PEAK1: variants seen among roughly 807,000 people sequenced by gnomAD.
PEAK1 encodes inactive tyrosine-protein kinase PEAK1.
A neutral mutation model predicts 124.7 loss-of-function variants in PEAK1; 54 were observed. That is an observed-to-expected ratio of 0.43 (90% CI 0.35 to 0.54). The LOEUF (loss-of-function observed/expected upper bound fraction) is 0.54, where lower values mean the gene tolerates loss of function less well. Ranked by LOEUF, PEAK1 falls within the 20% of genes least tolerant of loss-of-function variation. The pLI, the probability that PEAK1 is intolerant of heterozygous loss-of-function variation, is 0.01. For synonymous variants in PEAK1, 719 were observed against 760.0 expected (o/e 0.95, Z 0.89); for missense variants, 2,046 against 2,134.5 (o/e 0.96, Z 0.82).
chr15:77,360,384 T>C (rs997775193), intron 2 of PEAK1, among the ~76,000 whole-genome samples: 6 of 152,156 alleles, frequency 3.9e-5, no homozygotes, highest in Admixed American at 1.3e-4. Context: ...AGTAAATAAA[T>C]ACTTTTGTGC....
intron 5 of PEAK1, among the ~76,000 whole-genome samples, chr15:77,259,749 G>A (rs1173507081): frequency 6.6e-6 from 1 of 152,106 alleles, no homozygotes; most frequent in Non-Finnish European, 1.5e-5. Context: ...TAAGAAAACA[G>A]AAATAAGGGG....
chr15:77,368,768 G>A lies in PEAK1; in HGVS notation c.-665-3543C>T, dbSNP rs16968804. ...ACTTGTTTCATGTTCAGCAGTGAGT[G>A]TAGCAATTCAAGATACTGGGGACAA... is the stretch of plus-strand genomic sequence containing the variant. On this transcript the variant is annotated intron_variant, in intron 1 of 9. Transcript: ENST00000682557. Among the ~76,000 whole-genome samples the A allele has an allele frequency of 4.8e-3, 727 of 152,278 alleles. 4 individuals are homozygous for A. Among genetic ancestry groups the A allele is most frequent in the African/African-American group, 0.016 (673 of 41,548 alleles).
intron 1 of PEAK1, among the ~76,000 whole-genome samples, chr15:77,412,708 T>C (rs1000127538): frequency 6.6e-6 from 1 of 152,154 alleles, no homozygotes; most frequent in African/African-American, 2.4e-5. Context: ...ATCCAGATCT[T>C]GGCTTCAAAA....
chr15:77,137,098 C>T (rs941889882), intron 8 of PEAK1, among the ~76,000 whole-genome samples: 35 of 152,248 alleles, frequency 2.3e-4, no homozygotes, highest in Admixed American at 1.8e-3. Flanking sequence ...CCTGTGAGTG[C>T]ACAGAGGTCA....
intron 2 of PEAK1, chr15:77,335,227 G>A: frequency 1.0e-6 from 1 of 985,412 alleles, no homozygotes; most frequent in Non-Finnish European, 1.2e-6. Context: ...TTCTCCTTCA[G>A]GGGCTCCTCC....
At chr15:77,160,661 T>C (rs1268893116) in intron 7 of PEAK1, among the ~76,000 whole-genome samples, 1 of 151,628 alleles carries the variant, frequency 6.6e-6, no homozygotes, top group Non-Finnish European at 1.5e-5. Context: ...AGCAACAGAG[T>C]GAGACTCTGT....
At chr15:77,166,738 T>C (rs2056129266) in intron 7 of PEAK1, among the ~76,000 whole-genome samples, 1 of 152,218 alleles carries the variant, frequency 6.6e-6, no homozygotes, top group Admixed American at 6.5e-5. Flanking sequence ...GCTCTAAGTG[T>C]TTGTCCTTTA....
chr15:77,158,192 T>C (rs2055323276), intron 8 of PEAK1: 1 of 241,380 alleles, frequency 4.1e-6, no homozygotes, highest in Non-Finnish European at 8.2e-6. Flanking sequence ...ATATACCATG[T>C]GTATATCTCT....
At chr15:77,165,613 C>CA (rs1320115265) in intron 7 of PEAK1, among the ~76,000 whole-genome samples, 1 of 152,080 alleles carries the variant, frequency 6.6e-6, no homozygotes, top group Admixed American at 6.5e-5. Context: ...CTCTTTGAGT[C>CA]AGAGTAGGGA....
intron 2 of PEAK1, among the ~76,000 whole-genome samples, chr15:77,313,897 A>T (rs1024592890): frequency 6.6e-6 from 1 of 151,632 alleles, no homozygotes; most frequent in Non-Finnish European, 1.5e-5. Context: ...GTCCTTTTAA[A>T]GAGTAGTATA....
intron 6 of PEAK1, chr15:77,204,646 G>A (rs1412185960): frequency 6.6e-6 from 1 of 152,534 alleles, no homozygotes; most frequent in Non-Finnish European, 1.5e-5. Flanking sequence ...TGGAAAGGAA[G>A]CCAATCCCAG....
exon 7 of PEAK1, chr15:77,102,279 C>G (rs1215182910): frequency 6.6e-6 from 1 of 152,118 alleles, no homozygotes; most frequent in Non-Finnish European, 1.5e-5. Context: ...TGATTTGTAT[C>G]AGCTCTTTAT....
At chr15:77,259,280 C>T (rs1384180799) in intron 5 of PEAK1, among the ~76,000 whole-genome samples, 1 of 152,064 alleles carries the variant, frequency 6.6e-6, no homozygotes, top group Non-Finnish European at 1.5e-5. Context: ...TAATGCCATT[C>T]CTTCATATTT....
intron 1 of PEAK1, chr15:77,404,655 T>G: frequency 1.1e-6 from 1 of 952,254 alleles, no homozygotes; most frequent in Non-Finnish European, 1.3e-6. Flanking sequence ...TTGAGACATA[T>G]TCTTCGAGAC....
chr15:77,320,900 G>A (rs1320060037), intron 2 of PEAK1, among the ~76,000 whole-genome samples: 3 of 151,846 alleles, frequency 2.0e-5, no homozygotes, highest in East Asian at 3.9e-4. Flanking sequence ...ATGAGTGAGA[G>A]CATGCGGTGT....
chr15:77,384,468 A>C (rs576009549), intron 1 of PEAK1, among the ~76,000 whole-genome samples: 3 of 152,338 alleles, frequency 2.0e-5, no homozygotes, highest in African/African-American at 7.2e-5. Context: ...TAAATGTACA[A>C]AGAAAACTGA....
chr15:77,249,788 T>G (rs1454438117), intron 6 of PEAK1, among the ~76,000 whole-genome samples: 3 of 152,006 alleles, frequency 2.0e-5, no homozygotes, highest in African/African-American at 7.3e-5. Context: ...CCTCCCAAAG[T>G]GCTGGAATTA....
At chr15:77,298,465 G>A (rs1311946015) in intron 2 of PEAK1, among the ~76,000 whole-genome samples, 3 of 151,552 alleles carry the variant, frequency 2.0e-5, no homozygotes, top group Admixed American at 6.6e-5. Flanking sequence ...TGATCTGCCC[G>A]CCTCTGCCTC....
At chr15:77,225,699 A>T (rs1225024837) in intron 6 of PEAK1, among the ~76,000 whole-genome samples, 1 of 51,080 alleles carries the variant, frequency 2.0e-5, no homozygotes, top group Non-Finnish European at 5.3e-5. Flanking sequence ...TATATATATG[A>T]CAATTCTAGA....
Sources: gnomAD v4.1 joint callset for allele counts (sites outside exome capture counted in the v4.1 genomes callset) on GRCh38, gnomAD v4.1.1 for gene constraint, MANE v1.5 for transcripts, NCBI Gene and HGNC (gene_info 2026-07-23, HGNC 2026-07-21) for gene names.